Variants in RAD23A observed in about 807,000 individuals in gnomAD.
The protein encoded by RAD23A is RAD23 nucleotide excision repair protein A, also known as lysine-specific demethylase RAD23A.
RAD23A carries 16 observed loss-of-function variants against 44.8 expected under a neutral mutation model. The observed-to-expected ratio is 0.36, with a 90% CI of 0.24 to 0.54. The LOEUF (loss-of-function observed/expected upper bound fraction) is 0.54. RAD23A is among the 20% of genes least tolerant of loss of function. The pLI is 0.89. For missense variants in RAD23A, 380 were observed against 483.3 expected (o/e 0.79, Z 2.00); for synonymous variants, 217 against 202.9 (o/e 1.07, Z -0.59).
chr19:12,953,115 A>G lies in RAD23A; in HGVS notation c.*66A>G. 9.6e-7 allele frequency: 1 copy of G among 1,042,278 alleles called. No individual in the cohort carries two copies. The highest frequency in any genetic ancestry group is 1.5e-5 in the South Asian group (1 of 68,590). 64.6% of individuals were successfully genotyped at this position (1,042,278 alleles called of 1,614,324 possible). ...ATTCCATGAAAGTTTTATAAAAGAAAAAATATATATATATTCATGTTTATT... is the reference window on the plus strand; with the variant it reads ...ATTCCATGAAAGTTTTATAAAAGAAGAAATATATATATATTCATGTTTATT... On this transcript the variant is annotated 3_prime_UTR_variant, in exon 9 of 9. Coordinates refer to ENST00000586534, the MANE Select transcript of RAD23A (RefSeq NM_005053.4).
intron 7 of RAD23A, among the ~76,000 whole-genome samples, chr19:12,950,755 A>G (rs62109870): frequency 0.05 from 7,624 of 152,186 alleles, 257 homozygotes; most frequent in Non-Finnish European, 0.076. Context: ...ATACAATGGT[A>G]GAGTTATATC....
intron 7 of RAD23A, among the ~76,000 whole-genome samples, chr19:12,950,217 G>A (rs577173139): frequency 1.3e-5 from 2 of 152,174 alleles, no homozygotes; most frequent in South Asian, 4.2e-4. Flanking sequence ...TCTCTGCAAG[G>A]ATTAGCTTGG....
chr19:12,946,278 A>T (rs1191737444), intron 1 of RAD23A, among the ~76,000 whole-genome samples: 3 of 151,976 alleles, frequency 2.0e-5, no homozygotes, highest in Non-Finnish European at 4.4e-5. Flanking sequence ...CTCCAATGTC[A>T]GCGCTCTCGC....
chr19:12,949,763 A>C (rs1391654020), intron 7 of RAD23A, among the ~76,000 whole-genome samples: 2 of 152,126 alleles, frequency 1.3e-5, no homozygotes, highest in African/African-American at 2.4e-5. Flanking sequence ...GGTGCTGCGT[A>C]AATGTCTGTA....
chr19:12,949,073 C>T lies in RAD23A; in HGVS notation c.601-8C>T, dbSNP rs1431816529. 4 of 1,610,000 alleles carry T rather than the reference C, an allele frequency of 2.5e-6. No individual in the cohort carries two copies. Among genetic ancestry groups the T allele is most frequent in the Non-Finnish European group, 3.4e-6 (4 of 1,178,198 alleles). On this transcript the variant is annotated splice_region_variant and splice_polypyrimidine_tract_variant and intron_variant, in intron 5 of 8. Transcript: ENST00000586534. ...CTGTGCATTAGAACTAAACAGGACC[C>T]CTGACAGGGAATTCCTGGGAGCCCC...
In RAD23A at chr19:12,948,571, G is replaced by T; in HGVS notation, c.472+19G>T. On this transcript the variant is annotated intron_variant, in intron 4 of 8. Coordinates refer to ENST00000586534, the MANE Select transcript of RAD23A (RefSeq NM_005053.4). The surrounding 1 kb of genome is among the most constrained non-coding windows in gnomAD (Gnocchi z 5.5). ...ACGCTAGGTGGGTGGGTGGTCCCCA[G>T]GGCAGAGGTGACTGGGTGCCCCAGC... The T allele has an allele frequency of 6.3e-7, 1 of 1,584,024 alleles. No individual in the cohort carries two copies. Among genetic ancestry groups the T allele is most frequent in the South Asian group, 1.1e-5 (1 of 87,268 alleles).
intron 1 of RAD23A, 24 bp from the exon 2 acceptor site, chr19:12,947,824 G>C (rs376707726): frequency 1.2e-6 from 2 of 1,610,080 alleles, no homozygotes; most frequent in Non-Finnish European, 1.7e-6. Flanking sequence ...GGTCTCCAGT[G>C]ACTGTCTGTA....
At chr19:12,951,577 G>T (rs1971812856) in intron 7 of RAD23A, among the ~76,000 whole-genome samples, 1 of 151,916 alleles carries the variant, frequency 6.6e-6, no homozygotes, top group African/African-American at 2.4e-5. Context: ...CCCCAGAGTA[G>T]CTGGGATTAC....
chr19:12,949,457 C>T (rs1971750109), intron 7 of RAD23A, 49 bp downstream of exon 7: 1 of 1,595,018 alleles, frequency 6.3e-7, no homozygotes. Context: ...ATTTCCCTTC[C>T]CTGTGGGCAC....
Position 12,948,621 on chromosome 19 carries a change from C to A in RAD23A, c.473-65C>A, listed in dbSNP as rs1971727043. On this transcript the variant is annotated intron_variant, in intron 4 of 8. Transcript: ENST00000586534. The surrounding 1 kb of genome is among the most constrained non-coding windows in gnomAD (Gnocchi z 5.5). ...CCATCAGCTGGGCCTTGTCTGGGTG[C>A]GGGAGGGCCTGGGAGCTGCCCTTTC... The A allele has an allele frequency of 1.9e-6, 3 of 1,581,046 alleles. No individual in the cohort carries two copies. The highest frequency in any genetic ancestry group is 1.7e-4 in the Middle Eastern group (1 of 5,882).
intron 7 of RAD23A, among the ~76,000 whole-genome samples, chr19:12,951,714 G>A (rs1225698916): frequency 6.6e-6 from 1 of 152,186 alleles, no homozygotes; most frequent in East Asian, 1.9e-4. Context: ...CCAAAGTACT[G>A]GGATTGCAGG....
At position 12,947,967 on chromosome 19, in the gene RAD23A, T is replaced by C. The variant is rs762617677; in HGVS notation, c.192T>C (p.Tyr64=). The part of the protein sequence containing the change: ...ILSDDVPIRD[Y]RIDEKNFVVV... Reference sequence around the variant, plus strand: ...GTGACGATGTCCCTATCAGGGACTATCGCATCGATGAGAAGAACTTTGTGG... The same window carrying C: ...GTGACGATGTCCCTATCAGGGACTACCGCATCGATGAGAAGAACTTTGTGG... The change falls in exon 2 of 9, where the codon TAT becomes TAC. Residue 64 remains tyrosine, a synonymous_variant. Transcript: ENST00000586534. 2 of 1,613,896 alleles carry C rather than the reference T, an allele frequency of 1.2e-6. No homozygotes were observed. Among genetic ancestry groups the C allele is most frequent in the Non-Finnish European group, 1.7e-6 (2 of 1,180,036 alleles).
At chr19:12,952,252 G>A (rs1971833737) in intron 7 of RAD23A, 1 of 167,984 alleles carries the variant, frequency 6.0e-6, no homozygotes, top group African/African-American at 2.4e-5. Flanking sequence ...CTGTTGCCCA[G>A]GCTGGAGTTC....
At chr19:12,947,150 C>G (rs200028355) in intron 1 of RAD23A, among the ~76,000 whole-genome samples, 1 of 152,210 alleles carries the variant, frequency 6.6e-6, no homozygotes, top group Non-Finnish European at 1.5e-5. Flanking sequence ...TGGCCAGGCA[C>G]GGTGGCTCAT....
intron 7 of RAD23A, among the ~76,000 whole-genome samples, chr19:12,951,072 GAAACA>G (rs1971798754): frequency 6.6e-6 from 1 of 152,130 alleles, no homozygotes; most frequent in African/African-American, 2.4e-5. Flanking sequence ...AAAAAGAACA[GAAACA>G]AAAATGAACA....
At position 12,947,500 on chromosome 19, in the gene RAD23A, C is replaced by T. The variant is rs376041072; in HGVS notation, c.73-348C>T. Among the ~76,000 whole-genome samples the T allele has an allele frequency of 2.7e-3, 414 of 152,268 alleles. 6 individuals are homozygous for T. The highest frequency in any genetic ancestry group is 9.8e-3 in the African/African-American group (406 of 41,538). ...AGAGTGTAGAGTGGGGGACTGTCCCCTTTATTCTGTTAATTATACTTTATA... is the reference window on the plus strand; with the variant it reads ...AGAGTGTAGAGTGGGGGACTGTCCCTTTTATTCTGTTAATTATACTTTATA... On this transcript the variant is annotated intron_variant, in intron 1 of 8. Transcript: ENST00000586534.
intron 1 of RAD23A, among the ~76,000 whole-genome samples, chr19:12,946,443 T>C (rs1292072206): frequency 6.6e-6 from 1 of 152,198 alleles, no homozygotes. Flanking sequence ...ACAACAACGA[T>C]GTTAATGATA....
chr19:12,948,283 C>A lies in RAD23A; in HGVS notation c.341C>A (p.Pro114His). 1 of 1,613,486 alleles carries A rather than the reference C, an allele frequency of 6.2e-7. No homozygotes were observed. The highest frequency in any genetic ancestry group is 8.5e-7 in the Non-Finnish European group (1 of 1,179,730). ...PPAPTSGMSH[P>H]PPAAREDKSP... ...GCCCCCACCTCAGGCATGTCCCATC[C>A]CCCACCTGCCGCCAGAGAGGACAAG... The change falls in exon 3 of 9, where the codon CCC (proline) becomes CAC (histidine). Residue 114 changes from proline (P) to histidine (H), a missense_variant. Coordinates refer to ENST00000586534, the MANE Select transcript of RAD23A (RefSeq NM_005053.4). The surrounding 1 kb of genome is among the most constrained non-coding windows in gnomAD (Gnocchi z 5.5).
chr19:12,945,877 G>T lies in RAD23A; in HGVS notation c.-72G>T. The T allele has an allele frequency of 2.6e-6, 4 of 1,527,356 alleles. No homozygotes were observed. The Admixed American group carries it at 6.9e-5, about 26-fold the overall frequency. 94.6% of individuals were successfully genotyped at this position (1,527,356 alleles called of 1,614,324 possible). A position where few individuals can be genotyped will look rare whatever the true frequency, so the allele number is the denominator to read the frequency against. On this transcript the variant is annotated 5_prime_UTR_variant, in exon 1 of 9. Coordinates refer to ENST00000586534, the MANE Select transcript of RAD23A (RefSeq NM_005053.4). ...GGCGCGCGGCGCGGCGCGCCTGGGC[G>T]CTAAGATGGCGGCGGCGTGAGTTGC... is the stretch of plus-strand genomic sequence containing the variant.
Sources: allele counts gnomAD v4.1 joint callset (sites outside exome capture counted in the v4.1 genomes callset), GRCh38; gene constraint gnomAD v4.1.1; non-coding constraint Gnocchi (gnomAD v3.1); transcripts MANE v1.5; gene names NCBI Gene and HGNC (gene_info 2026-07-23, HGNC 2026-07-21).